The following GAREM1 variants were observed in gnomAD, a reference collection of about 807,000 sequenced individuals.
The protein encoded by GAREM1 is GRB2 associated regulator of MAPK1 subtype 1, also known as GRB2-associated and regulator of MAPK protein 1.
A neutral mutation model predicts 71.3 loss-of-function variants in GAREM1; 26 were observed. The observed-to-expected ratio is 0.36, with a 90% confidence interval of 0.27 to 0.51. The LOEUF (loss-of-function observed/expected upper bound fraction) is 0.51. Ranked by LOEUF, GAREM1 falls within the 20% of genes least tolerant of loss-of-function variation. The pLI is 0.95. For synonymous variants in GAREM1, 440 were observed against 433.2 expected (o/e 1.02, Z -0.20); for missense variants, 1,026 against 1,103.1 (o/e 0.93, Z 0.99).
intron 4 of GAREM1, among the ~76,000 whole-genome samples, chr18:32,279,809 A>G (rs771799259): frequency 7.2e-5 from 11 of 152,216 alleles, no homozygotes; most frequent in Non-Finnish European, 1.3e-4. Context: ...TATCCTTATT[A>G]TCATTCTAAT....
chr18:32,278,417 G>A (rs982784960), intron 4 of GAREM1, among the ~76,000 whole-genome samples: 14 of 152,184 alleles, frequency 9.2e-5, no homozygotes, highest in African/African-American at 2.9e-4. Context: ...CTTAGGTGGT[G>A]TAAGGATCGT....
At chr18:32,327,456 T>C (rs1361891744) in intron 2 of GAREM1, among the ~76,000 whole-genome samples, 1 of 152,118 alleles carries the variant, frequency 6.6e-6, no homozygotes, top group Non-Finnish European at 1.5e-5. Flanking sequence ...CAAAAGACTA[T>C]ACACAGAAAA....
intron 1 of GAREM1, among the ~76,000 whole-genome samples, chr18:32,423,536 A>G (rs2048541584): frequency 6.6e-6 from 1 of 152,198 alleles, no homozygotes; most frequent in African/African-American, 2.4e-5. Flanking sequence ...TTATTTGATT[A>G]TGCAATAATT....
intron 1 of GAREM1, among the ~76,000 whole-genome samples, chr18:32,418,808 C>G (rs1286447459): frequency 1.3e-5 from 2 of 152,126 alleles, no homozygotes; most frequent in African/African-American, 4.8e-5. Context: ...TTGAGAGATG[C>G]TAACACTGCA....
intron 1 of GAREM1, among the ~76,000 whole-genome samples, chr18:32,442,148 G>A (rs2048744545): frequency 6.6e-6 from 1 of 152,088 alleles, no homozygotes; most frequent in Non-Finnish European, 1.5e-5. Context: ...ACTTAGCACT[G>A]CTAAGTAAAC....
intron 1 of GAREM1, among the ~76,000 whole-genome samples, chr18:32,413,771 GAAAA>G (rs1190935868): frequency 6.6e-6 from 1 of 151,382 alleles, no homozygotes; most frequent in Non-Finnish European, 1.5e-5. Flanking sequence ...AGATAATGAG[GAAAA>G]AAAACCCACC....
chr18:32,410,537 A>G (rs2048406456), intron 1 of GAREM1, among the ~76,000 whole-genome samples: 1 of 152,068 alleles, frequency 6.6e-6, no homozygotes, highest in Non-Finnish European at 1.5e-5. Flanking sequence ...TTGTAGAGAC[A>G]GGATCTCTCC....
chr18:32,451,230 T>C (rs1315075195), intron 1 of GAREM1, among the ~76,000 whole-genome samples: 1 of 152,108 alleles, frequency 6.6e-6, no homozygotes, highest in Non-Finnish European at 1.5e-5. Context: ...AGGATGATGA[T>C]GGAGAGCAGA....
intron 1 of GAREM1, among the ~76,000 whole-genome samples, chr18:32,395,229 A>T (rs1156831191): frequency 6.6e-6 from 1 of 152,162 alleles, no homozygotes; most frequent in Non-Finnish European, 1.5e-5. Context: ...AACACTGACA[A>T]TAATCCAAAG....
intron 1 of GAREM1, among the ~76,000 whole-genome samples, chr18:32,430,253 G>A (rs1237517359): frequency 2.0e-5 from 3 of 152,110 alleles, no homozygotes; most frequent in African/African-American, 7.2e-5. Flanking sequence ...CTTACCAAAT[G>A]AATCAACTAT....
chr18:32,380,193 C>A (rs187598756), intron 2 of GAREM1, among the ~76,000 whole-genome samples: 1 of 152,152 alleles, frequency 6.6e-6, no homozygotes, highest in East Asian at 1.9e-4. Context: ...AATCAAGTCT[C>A]GGCCGGGAGC....
chr18:32,324,785 T>G (rs1277397415), intron 2 of GAREM1, among the ~76,000 whole-genome samples: 4 of 152,124 alleles, frequency 2.6e-5, no homozygotes, highest in Admixed American at 2.0e-4. Flanking sequence ...AATCAAGCCA[T>G]GAAAAGACAT....
chr18:32,393,879 T>C (rs142708639), intron 1 of GAREM1, among the ~76,000 whole-genome samples: 2 of 152,326 alleles, frequency 1.3e-5, no homozygotes, highest in African/African-American at 4.8e-5. Context: ...CAGTGCTCAA[T>C]GAAAATATCT....
intron 1 of GAREM1, among the ~76,000 whole-genome samples, chr18:32,459,198 A>G (rs1405062118): frequency 6.6e-6 from 1 of 152,198 alleles, no homozygotes; most frequent in Non-Finnish European, 1.5e-5. Context: ...CCATGCCTGC[A>G]TAATAGCAAA....
At chr18:32,397,871 GCAC>G (rs1193050117) in intron 1 of GAREM1, among the ~76,000 whole-genome samples, 1 of 152,254 alleles carries the variant, frequency 6.6e-6, no homozygotes, top group South Asian at 2.1e-4. Context: ...ATTCTTTTCA[GCAC>G]CACAACGCAC....
intron 2 of GAREM1, among the ~76,000 whole-genome samples, chr18:32,377,533 G>A (rs1003893679): frequency 6.6e-6 from 1 of 152,170 alleles, no homozygotes; most frequent in African/African-American, 2.4e-5. Context: ...TGCCATATGG[G>A]AAACTCACCA....
intron 1 of GAREM1, among the ~76,000 whole-genome samples, chr18:32,424,493 G>T (rs1034311646): frequency 4.6e-5 from 7 of 152,080 alleles, no homozygotes; most frequent in Admixed American, 1.3e-4. Flanking sequence ...TATATTCCCG[G>T]TTGCAAATCA....
At chr18:32,450,984 T>TA (rs150211888) in intron 1 of GAREM1, among the ~76,000 whole-genome samples, 6,952 of 150,058 alleles carry the variant, frequency 0.046, 478 homozygotes, top group East Asian at 0.34. Context: ...TCATTTCTAT[T>TA]AAAAAAAAAA....
intron 2 of GAREM1, among the ~76,000 whole-genome samples, chr18:32,331,126 A>G (rs1223393537): frequency 6.6e-6 from 1 of 152,138 alleles, no homozygotes; most frequent in Admixed American, 6.5e-5. Context: ...ATTATATTCT[A>G]TTATTATTCC....
Sources: allele counts gnomAD v4.1 joint callset (sites outside exome capture counted in the v4.1 genomes callset), GRCh38; gene constraint gnomAD v4.1.1; transcripts MANE v1.5; gene names NCBI Gene and HGNC (gene_info 2026-07-23, HGNC 2026-07-21).